Variants in ALDH1L2 observed in about 807,000 individuals in gnomAD.
The protein encoded by ALDH1L2 is aldehyde dehydrogenase 1 family member L2, also known as mitochondrial 10-formyltetrahydrofolate dehydrogenase.
In ALDH1L2, 91 loss-of-function variants were observed where a neutral mutation model predicts 111.0. The ratio of observed to expected loss-of-function variants is 0.82; its 90% CI spans 0.69 to 0.98. ALDH1L2 has a LOEUF of 0.98. Among genes scored for constraint, ALDH1L2 ranks in the 50% least tolerant of loss-of-function variants. The probability of loss-of-function intolerance (pLI) is 0.00; values close to 1 mark genes in which losing one functional copy is unlikely to be tolerated. For synonymous variants in ALDH1L2, 374 were observed against 392.6 expected (o/e 0.95, Z 0.56); for missense variants, 995 against 1,126.8 (o/e 0.88, Z 1.67).
rs369762430 is a variant in ALDH1L2 at position 105,046,667 on chromosome 12, T to C, written c.1863+43A>G. 2.5e-5 allele frequency: 39 copies of C among 1,548,534 alleles called. No individual in the cohort carries two copies. The African/African-American group carries it at 5.2e-4, about 21-fold the overall frequency. On this transcript the variant is annotated intron_variant, in intron 15 of 22. Coordinates refer to ENST00000258494, the MANE Select transcript of ALDH1L2 (RefSeq NM_001034173.4). ...TTTCACTTTTTTGAAGTACTGGATA[T>C]AAGAGAGGAGGCAATTCTGCACCTG...
chr12:105,070,395 C>T lies in ALDH1L2; in HGVS notation c.428+175G>A, dbSNP rs903798755. Reference sequence around the variant, plus strand: ...AAAGAATATAGGCAATTGAAATACACTCACCCTCTGTGTAATTAAAAAAGT... The same window carrying T: ...AAAGAATATAGGCAATTGAAATACATTCACCCTCTGTGTAATTAAAAAAGT... On this transcript the variant is annotated intron_variant, in intron 3 of 22. Transcript: ENST00000258494. The T allele has an allele frequency of 2.8e-5, 17 of 610,356 alleles. No homozygotes were observed. In the Admixed American group the frequency reaches 3.6e-4, roughly 13 times the overall value. 37.8% of individuals were successfully genotyped at this position (610,356 alleles called of 1,614,324 possible).
chr12:105,074,245 G>A (rs745981383), intron 1 of ALDH1L2: 9 of 360,242 alleles, frequency 2.5e-5, no homozygotes, highest in South Asian at 1.0e-4. Flanking sequence ...ATCACCTGAG[G>A]TCAGGAGTTT....
intron 18 of ALDH1L2, among the ~76,000 whole-genome samples, chr12:105,036,568 A>AGGCTGGGTGC (rs1875163528): frequency 1.8e-5 from 1 of 54,698 alleles, no homozygotes; most frequent in African/African-American, 1.2e-4. Context: ...ATATATATAA[A>AGGCTGGGTGC]ATGGATGTGG....
At chr12:105,036,513 T>TA (rs1875124719) in intron 18 of ALDH1L2, among the ~76,000 whole-genome samples, 1 of 53,848 alleles carries the variant, frequency 1.9e-5, no homozygotes, top group African/African-American at 6.5e-5. Flanking sequence ...ATATATATAT[T>TA]TTATATATAT....
intron 15 of ALDH1L2, among the ~76,000 whole-genome samples, chr12:105,045,421 A>G (rs949796080): frequency 1.7e-4 from 26 of 151,902 alleles, no homozygotes; most frequent in Non-Finnish European, 3.2e-4. Flanking sequence ...TTAGCAATAT[A>G]TACATATACA....
intron 1 of ALDH1L2, 21 bp from the exon 2 acceptor site, chr12:105,074,026 GAAGACAT>G (rs757057776): frequency 1.9e-6 from 3 of 1,613,860 alleles, no homozygotes. Context: ...ATTCAATGAC[GAAGACAT>G]AAGCATGGAT....
chr12:105,066,466 C>T, intron 5 of ALDH1L2, 102 bp downstream of exon 5: 1 of 1,068,398 alleles, frequency 9.4e-7, no homozygotes, highest in Middle Eastern at 2.7e-4. Context: ...AGGGCTAGGG[C>T]AAGCTGGCTT....
chr12:105,030,532 C>A, intron 20 of ALDH1L2, 103 bp from the exon 21 acceptor site: 1 of 876,128 alleles, frequency 1.1e-6, no homozygotes, highest in Non-Finnish European at 1.6e-6. Flanking sequence ...TTCCCTCTGG[C>A]CCAGTAAAAC....
chr12:105,041,997 C>T (rs1875563677), intron 15 of ALDH1L2, among the ~76,000 whole-genome samples: 1 of 152,124 alleles, frequency 6.6e-6, no homozygotes, highest in Non-Finnish European at 1.5e-5. Context: ...TTTTAGAAAC[C>T]AAGATATCTG....
intron 1 of ALDH1L2, among the ~76,000 whole-genome samples, chr12:105,079,123 GA>G (rs1212473144): frequency 1.3e-5 from 2 of 152,194 alleles, no homozygotes; most frequent in Non-Finnish European, 2.9e-5. Flanking sequence ...GCTCCGGGTA[GA>G]CACACCTCTT....
chr12:105,026,311 A>G (rs376032197), intron 22 of ALDH1L2, among the ~76,000 whole-genome samples: 11 of 152,360 alleles, frequency 7.2e-5, no homozygotes, highest in African/African-American at 2.6e-4. Context: ...CCTTTCAAAC[A>G]TTAATCTTTT....
intron 13 of ALDH1L2, 147 bp from the exon 14 acceptor site, chr12:105,047,116 A>G (rs1240969531): frequency 1.3e-6 from 1 of 799,534 alleles, no homozygotes; most frequent in Non-Finnish European, 2.0e-6. Context: ...TTCATGCCAA[A>G]GAAGGAACAG....
Position 105,040,617 on chromosome 12 carries a change from A to G in ALDH1L2, c.1941T>C (p.Ile647=). 1 of 1,614,100 alleles carries G rather than the reference A, an allele frequency of 6.2e-7. No homozygotes were observed. Among genetic ancestry groups the G allele is most frequent in the Non-Finnish European group, 8.5e-7 (1 of 1,179,970 alleles). ...AGFPKGVINI[I]PGSGGIAGQR... ...CATTTAGTGGCTTACCTGAGCCTGG[A>G]ATGATGTTGATGACCCCCTTTGGAA... Residue 647 remains isoleucine, a synonymous_variant, in exon 16 of 23, where the codon ATT becomes ATC. Transcript: ENST00000258494.
intron 1 of ALDH1L2, among the ~76,000 whole-genome samples, chr12:105,078,327 C>T (rs1488427093): frequency 6.6e-6 from 1 of 152,094 alleles, no homozygotes. Context: ...GGCATGGTGG[C>T]GCGTGCCTGT....
Position 105,070,558 on chromosome 12 carries a change from A to C in ALDH1L2, c.428+12T>G. Reference sequence around the variant, plus strand: ...CATCTCAAAAAAAAAAAGTAAAAAGAAAAAATCTCACCAATTGATAGCAGA... The same window carrying C: ...CATCTCAAAAAAAAAAAGTAAAAAGCAAAAATCTCACCAATTGATAGCAGA... On this transcript the variant is annotated intron_variant, in intron 3 of 22. Coordinates refer to ENST00000258494, the MANE Select transcript of ALDH1L2 (RefSeq NM_001034173.4). 6.3e-7 allele frequency: 1 copy of C among 1,587,442 alleles called. No individual in the cohort carries two copies. Among genetic ancestry groups the C allele is most frequent in the African/African-American group, 1.4e-5 (1 of 73,364 alleles).
Position 105,020,976 on chromosome 12 carries a change from A to G in ALDH1L2, c.*3448T>C, listed in dbSNP as rs1202575356. On this transcript the variant is annotated 3_prime_UTR_variant, in exon 23 of 23. Coordinates refer to ENST00000258494, the MANE Select transcript of ALDH1L2 (RefSeq NM_001034173.4). ...CCCCCGTCCCGGAGAACTATTTGTT[A>G]AATATTTTACCAGCACACCCCTGGG... is the stretch of plus-strand genomic sequence containing the variant. The G allele has an allele frequency of 6.6e-6, 1 of 152,262 alleles. No homozygotes were observed. The highest frequency in any genetic ancestry group is 1.5e-5 in the Non-Finnish European group (1 of 68,094). 9.4% of individuals were successfully genotyped at this position (152,262 alleles called of 1,614,324 possible). A position where few individuals can be genotyped will look rare whatever the true frequency, so the allele number is the denominator to read the frequency against.
chr12:105,043,008 T>C (rs1386974200), intron 15 of ALDH1L2, among the ~76,000 whole-genome samples: 3 of 152,214 alleles, frequency 2.0e-5, no homozygotes, highest in African/African-American at 7.2e-5. Flanking sequence ...AGTGGAACTT[T>C]TATTTATATA....
chr12:105,034,370 C>G lies in ALDH1L2; in HGVS notation c.2174G>C (p.Gly725Ala), dbSNP rs750493634. The G allele has an allele frequency of 5.6e-6, 9 of 1,611,044 alleles. No homozygotes were observed. The African/African-American group carries it at 1.2e-4, about 22-fold the overall frequency. The change falls in exon 19 of 23, where the codon GGA (glycine) becomes GCA (alanine). Residue 725 changes from glycine (G) to alanine (A), a missense_variant. Transcript: ENST00000258494. ...MGMGAVFFNK[G>A]ENCIAAGRLF... ...CCGCCCAGCAGCAATACAGTTCTCT[C>G]CTTTGTTGAAAAATACTGCTCCCAT... is the stretch of plus-strand genomic sequence containing the variant.
In ALDH1L2 at chr12:105,049,978, G is replaced by A; in HGVS notation, c.1616C>T (p.Ala539Val). 1 of 1,613,086 alleles carries A rather than the reference G, an allele frequency of 6.2e-7. No individual in the cohort carries two copies. Among genetic ancestry groups the A allele is most frequent in the Admixed American group, 1.7e-5 (1 of 59,938 alleles). Residue 539 changes from alanine (A) to valine (V), a missense_variant, in exon 13 of 23, where the codon GCC becomes GTC. Coordinates refer to ENST00000258494, the MANE Select transcript of ALDH1L2 (RefSeq NM_001034173.4). ...AGACATTCCAATGTGTGTCTTCAGG[G>A]CCAAGGTATAGACAGCCCCTGAATC... ...ALDSGAVYTL[A>V]LKTHIGMSVQ...
Sources: gnomAD v4.1 joint callset for allele counts (sites outside exome capture counted in the v4.1 genomes callset) on GRCh38, gnomAD v4.1.1 for gene constraint, MANE v1.5 for transcripts, NCBI Gene and HGNC (gene_info 2026-07-23, HGNC 2026-07-21) for gene names.